FAM217A: variants seen among roughly 807,000 people sequenced by gnomAD.
FAM217A encodes the protein family with sequence similarity 217 member A, also known as protein FAM217A.
FAM217A carries 13 observed loss-of-function variants against 18.5 expected under a neutral mutation model. The observed-to-expected ratio is 0.70, with a 90% confidence interval of 0.46 to 1.12. FAM217A has a LOEUF of 1.12. Ranked by LOEUF, FAM217A falls within the 50% of genes most tolerant of loss-of-function variation. The pLI, the probability that FAM217A is intolerant of heterozygous loss-of-function variation, is 0.00. For synonymous variants in FAM217A, 161 were observed against 202.8 expected (o/e 0.79, Z 1.75); for missense variants, 560 against 575.4 (o/e 0.97, Z 0.27).
rs200626060 is a variant in FAM217A at position 4,069,327 on chromosome 6, A to T, written c.896T>A (p.Met299Lys). Reference sequence around the variant, plus strand: ...TCTTGGCCTCTCTTTTTGAATAGTCATATGTTGTAATCGTTCTAGTTCCAG... The same window carrying T: ...TCTTGGCCTCTCTTTTTGAATAGTCTTATGTTGTAATCGTTCTAGTTCCAG... ...RLLELERLQH[M>K]TIQKERPRLQ... The change falls in exon 7 of 7, where the codon ATG becomes AAG. Residue 299 changes from methionine (M) to lysine (K), a missense_variant. Physicochemically the swap from Met to Lys is moderately conservative, Grantham distance 95. Coordinates refer to ENST00000274673, the MANE Select transcript of FAM217A (RefSeq NM_173563.3). 127 of 1,614,106 alleles carry T rather than the reference A, an allele frequency of 7.9e-5. 1 individual carries two copies. In the East Asian group the frequency reaches 2.4e-3, roughly 30 times the overall value.
chr6:4,086,483 A>C (rs1770674022), intron 1 of FAM217A, among the ~76,000 whole-genome samples: 1 of 151,024 alleles, frequency 6.6e-6, no homozygotes, highest in Non-Finnish European at 1.5e-5. Flanking sequence ...CCATCTATCT[A>C]TATATATGCA....
At chr6:4,079,605 G>A (rs1160452270), upstream of FAM217A, 2 of 1,287,228 alleles carry the variant, frequency 1.6e-6, no homozygotes, top group South Asian at 1.2e-5. Flanking sequence ...TGGGCCTCTG[G>A]GACCCGGGGC....
At chr6:4,079,549 C>G (rs1025670518), upstream of FAM217A, 1 of 1,224,232 alleles carries the variant, frequency 8.2e-7, no homozygotes, top group Admixed American at 2.3e-5. Flanking sequence ...GGCCTCCAGG[C>G]CCTTCCCTGG....
intron 6 of FAM217A, among the ~76,000 whole-genome samples, chr6:4,072,442 AT>A (rs59876396): frequency 0.94 from 141,459 of 150,944 alleles, 66,347 homozygotes; most frequent in East Asian, 1. Context: ...CTGCACATGT[AT>A]TCCCAGAACT....
chr6:4,070,041 T>C (rs746633030), intron 6 of FAM217A, 121 bp from the exon 7 acceptor site: 215 of 659,678 alleles, frequency 3.3e-4, no homozygotes, highest in Non-Finnish European at 4.8e-4. Flanking sequence ...ATGGCATATG[T>C]GTATCTAGCT....
At chr6:4,071,662 T>G (rs1297152191) in intron 6 of FAM217A, among the ~76,000 whole-genome samples, 2 of 152,172 alleles carry the variant, frequency 1.3e-5, no homozygotes, top group African/African-American at 4.8e-5. Flanking sequence ...TTGAAATACT[T>G]TTTCCCAGCT....
Position 4,078,880 on chromosome 6 carries a change from C to T in FAM217A, c.-63G>A. 1.8e-6 allele frequency: 1 copy of T among 556,864 alleles called. No homozygotes were observed. Among genetic ancestry groups the T allele is most frequent in the South Asian group, 2.1e-5 (1 of 47,596 alleles). 34.5% of individuals were successfully genotyped at this position (556,864 alleles called of 1,614,324 possible). ...GCGAAGGCCCACGTGTCCTCCCCGG[C>T]GTGCTCTCCCGGTGCGCCGCCCCGA... On this transcript the variant is annotated 5_prime_UTR_variant, in exon 1 of 7. Coordinates refer to ENST00000274673, the MANE Select transcript of FAM217A (RefSeq NM_173563.3).
At position 4,068,803 on chromosome 6, in the gene FAM217A, G is replaced by C. The variant is rs375725382; in HGVS notation, c.1420C>G (p.Arg474Gly). 1 of 1,614,070 alleles carries C rather than the reference G, an allele frequency of 6.2e-7. No individual in the cohort carries two copies. The highest frequency in any genetic ancestry group is 8.5e-7 in the Non-Finnish European group (1 of 1,179,986). ...GGTCTATTCAACACTATATTTTGTC[G>C]GTAAAGTTTCTTTTTGGTCCCAAAG... ...RNFGTKKKLY[R>G]QNIVLNRPFS... The change falls in exon 7 of 7, where the codon CGA (arginine) becomes GGA (glycine). Residue 474 changes from arginine (R) to glycine (G), a missense_variant. Physicochemically the swap from Arg to Gly is moderately radical, Grantham distance 125. Coordinates refer to ENST00000274673, the MANE Select transcript of FAM217A (RefSeq NM_173563.3).
chr6:4,070,128 A>G (rs1206748627), intron 6 of FAM217A, among the ~76,000 whole-genome samples: 1 of 152,232 alleles, frequency 6.6e-6, no homozygotes, highest in East Asian at 1.9e-4. Flanking sequence ...ATAGATTAAA[A>G]TATTAACTGG....
Position 4,077,025 on chromosome 6 carries a change from C to T in FAM217A, c.60+330G>A, listed in dbSNP as rs1184585299. Among the ~76,000 whole-genome samples, 3 of 152,306 alleles carry T rather than the reference C, an allele frequency of 2.0e-5. No homozygotes were observed. In the East Asian group the frequency reaches 5.8e-4, roughly 29 times the overall value. ...TTGATTATGCTTTGTGATATCCCAC[C>T]TGCCTTACCAATATTTTTCACAAAG... On this transcript the variant is annotated intron_variant, in intron 2 of 6. Transcript: ENST00000274673.
chr6:4,072,758 G>A lies in FAM217A; in HGVS notation c.302+517C>T, dbSNP rs931551220. Among the ~76,000 whole-genome samples the A allele has an allele frequency of 2.6e-4, 12 of 45,548 alleles. No individual in the cohort carries two copies. The Admixed American group carries it at 3.1e-3, about 12-fold the overall frequency. 29.9% of individuals were successfully genotyped at this position (45,548 alleles called of 152,430 possible). A position where few individuals can be genotyped will look rare whatever the true frequency, so the allele number is the denominator to read the frequency against. ...GCCTGGGCAACAAGAGCAAAACTCC[G>A]TCTCAAAAAAAAAAAAACCTCAGGT... is the stretch of plus-strand genomic sequence containing the variant. On this transcript the variant is annotated intron_variant, in intron 6 of 6. Transcript: ENST00000274673.
chr6:4,076,828 ACAGCACTC>A (rs1288737365), intron 2 of FAM217A, among the ~76,000 whole-genome samples: 1 of 152,260 alleles, frequency 6.6e-6, no homozygotes, highest in East Asian at 1.9e-4. Context: ...AGATCGTGCC[ACAGCACTC>A]CAGCCTGGGA....
At chr6:4,071,116 C>T (rs1043905296) in intron 6 of FAM217A, among the ~76,000 whole-genome samples, 2 of 152,064 alleles carry the variant, frequency 1.3e-5, no homozygotes, top group Admixed American at 6.5e-5. Context: ...TTAATAGACA[C>T]GTACATGTAG....
chr6:4,085,329 A>T (rs916793027), intron 1 of FAM217A, among the ~76,000 whole-genome samples: 25 of 143,610 alleles, frequency 1.7e-4, no homozygotes, highest in African/African-American at 2.4e-4. Flanking sequence ...TATATATATA[A>T]AATATGTAAA....
chr6:4,080,234 T>C (rs1056324793), upstream of FAM217A, among the ~76,000 whole-genome samples: 3 of 152,200 alleles, frequency 2.0e-5, no homozygotes, highest in African/African-American at 7.2e-5. Context: ...TTCCATTTTC[T>C]CCTCAGAAAG....
In FAM217A at chr6:4,077,585, G is replaced by T. The variant is rs376681667; in HGVS notation, c.-34-137C>A. The T allele has an allele frequency of 9.4e-6, 7 of 741,336 alleles. 1 individual carries two copies. Among genetic ancestry groups the T allele is most frequent in the East Asian group, 2.7e-5 (1 of 36,594 alleles). The allele number at this position is 741,336 out of a possible 1,614,324, so 45.9% of individuals were successfully genotyped here. On this transcript the variant is annotated intron_variant, in intron 1 of 6. Coordinates refer to ENST00000274673, the MANE Select transcript of FAM217A (RefSeq NM_173563.3). ...AGAAGAGAGGGGCTAGGAGAGCAGG[G>T]TGGGGGTGACAGTACGAAACCAACC...
chr6:4,078,869 G>A lies in FAM217A; in HGVS notation c.-52C>T. 1 of 522,524 alleles carries A rather than the reference G, an allele frequency of 1.9e-6. No individual in the cohort carries two copies. The highest frequency in any genetic ancestry group is 3.4e-6 in the Non-Finnish European group (1 of 291,006). 32.4% of individuals were successfully genotyped at this position (522,524 alleles called of 1,614,324 possible). On this transcript the variant is annotated 5_prime_UTR_variant, in exon 1 of 7. Transcript: ENST00000274673. Reference sequence around the variant, plus strand: ...CAACCCACCGCGCGAAGGCCCACGTGTCCTCCCCGGCGTGCTCTCCCGGTG... The same window carrying A: ...CAACCCACCGCGCGAAGGCCCACGTATCCTCCCCGGCGTGCTCTCCCGGTG...
Position 4,069,690 on chromosome 6 carries a change from CCAT to C in FAM217A, c.530_532del (p.Asp177del). On this transcript the variant is annotated inframe_deletion, in exon 7 of 7. Transcript: ENST00000274673. Reference sequence around the variant, plus strand: ...CCAATTTGGAGCAGGTAATGTTTCACCATCATTGTTTTCTATAGTTGAACATGA... The same window carrying C: ...CCAATTTGGAGCAGGTAATGTTTCACCATTGTTTTCTATAGTTGAACATGA... The C allele has an allele frequency of 6.2e-7, 1 of 1,614,124 alleles. No individual in the cohort carries two copies. The highest frequency in any genetic ancestry group is 2.2e-5 in the East Asian group (1 of 44,874).
intron 1 of FAM217A, among the ~76,000 whole-genome samples, chr6:4,077,891 C>T (rs1769943899): frequency 6.6e-6 from 1 of 152,098 alleles, no homozygotes; most frequent in Non-Finnish European, 1.5e-5. Flanking sequence ...TCGGAGACAA[C>T]AAAATGCCCC....
Sources: gnomAD v4.1 joint callset for allele counts (sites outside exome capture counted in the v4.1 genomes callset) on GRCh38, gnomAD v4.1.1 for gene constraint, MANE v1.5 for transcripts, NCBI Gene and HGNC (gene_info 2026-07-23, HGNC 2026-07-21) for gene names.